The following CDC42BPA variants were observed in gnomAD, a reference collection of about 807,000 sequenced individuals.
CDC42BPA encodes serine/threonine-protein kinase MRCK alpha.
A neutral mutation model predicts 223.5 loss-of-function variants in CDC42BPA; 80 were observed. That is an observed-to-expected ratio of 0.36 (90% CI 0.30 to 0.43). The LOEUF (loss-of-function observed/expected upper bound fraction) is 0.43, where lower values mean the gene tolerates loss of function less well. CDC42BPA is among the 20% of genes least tolerant of loss of function. The pLI is 1.00. For missense variants in CDC42BPA, 1,743 were observed against 2,099.9 expected (o/e 0.83, Z 3.32); for synonymous variants, 694 against 718.6 (o/e 0.97, Z 0.55).
chr1:227,168,500 T>TTTTTTTTTTGTTTTTTTTTG (rs1558662948), intron 5 of CDC42BPA, among the ~76,000 whole-genome samples: 1 of 123,652 alleles, frequency 8.1e-6, no homozygotes, highest in Non-Finnish European at 1.7e-5. Flanking sequence ...CCCTGGTGTT[T>TTTTTTTTTTGTTTTTTTTTG]TTTTTTTTTT....
chr1:227,091,746 T>C, intron 16 of CDC42BPA, 140 bp downstream of exon 16: 1 of 511,224 alleles, frequency 2.0e-6, no homozygotes, highest in Non-Finnish European at 3.4e-6. Context: ...AAGAATTGCA[T>C]ATATCATAGA....
At position 227,047,981 on chromosome 1, in the gene CDC42BPA, G is replaced by A. The variant is rs2148837156; in HGVS notation, c.3039C>T (p.His1013=). The part of the protein sequence containing the change: ...KTVDSTPLSV[H]TPTLRKKGCP... ...ATCCTTTTTTCCTTAAGGTTGGTGT[G>A]TGAACTGAAAGTGGAGTGGAGTCTA... The change falls in exon 23 of 37, where the codon CAC becomes CAT. Residue 1013 remains histidine, a synonymous_variant. Transcript: ENST00000366766. 2 of 1,611,554 alleles carry A rather than the reference G, an allele frequency of 1.2e-6. No individual in the cohort carries two copies. The highest frequency in any genetic ancestry group is 2.2e-5 in the South Asian group (2 of 90,936).
intron 1 of CDC42BPA, among the ~76,000 whole-genome samples, chr1:227,302,918 C>G (rs1231257615): frequency 6.6e-6 from 1 of 151,556 alleles, no homozygotes; most frequent in Admixed American, 6.6e-5. Context: ...CTCTTTTGCT[C>G]CTTTTTATGG....
rs1336442583 is a variant in CDC42BPA, at chr1:227,251,447, T to C, written c.270+2617A>G. ...TAAAACAAGTAGTAACATCATTACA[T>C]GTTAACTGATTAAAAAACAAAATCT... On this transcript the variant is annotated intron_variant, in intron 2 of 36. Coordinates refer to ENST00000366766, the MANE Select transcript of CDC42BPA (RefSeq NM_001394014.1). Among the ~76,000 whole-genome samples the C allele has an allele frequency of 2.0e-5, 3 of 152,166 alleles. No homozygotes were observed. The East Asian group carries it at 5.8e-4, about 29-fold the overall frequency.
chr1:227,088,378 G>A (rs1350794346), intron 16 of CDC42BPA, among the ~76,000 whole-genome samples: 1 of 152,090 alleles, frequency 6.6e-6, no homozygotes, highest in Non-Finnish European at 1.5e-5. Flanking sequence ...TGACTTATAA[G>A]AAGACTACAT....
intron 19 of CDC42BPA, among the ~76,000 whole-genome samples, chr1:227,072,945 T>C (rs1327512057): frequency 6.6e-6 from 1 of 152,126 alleles, no homozygotes; most frequent in African/African-American, 2.4e-5. Flanking sequence ...CATAAGCACA[T>C]TTAAGTAAAA....
intron 5 of CDC42BPA, among the ~76,000 whole-genome samples, chr1:227,168,513 T>TTTTTTTTTTTTTTTTTTTTTTTG (rs57522937): frequency 6.9e-6 from 1 of 145,650 alleles, no homozygotes; most frequent in Non-Finnish European, 1.5e-5. Flanking sequence ...TTTTTTTTTT[T>TTTTTTTTTTTTTTTTTTTTTTTG]GAGGCAGAGT....
intron 35 of CDC42BPA, 154 bp downstream of exon 35, chr1:227,004,840 A>G (rs1663654582): frequency 1.2e-5 from 9 of 759,824 alleles, no homozygotes; most frequent in Non-Finnish European, 2.0e-5. Flanking sequence ...ATTTGTGCCT[A>G]TTAGGCATTA....
At position 227,195,236 on chromosome 1, in the gene CDC42BPA, C is replaced by A. The variant is rs567962014; in HGVS notation, c.451-1302G>T. 5.9e-5 allele frequency among the ~76,000 whole-genome samples: 9 copies of A among 152,266 alleles called. No individual in the cohort carries two copies. The South Asian group carries it at 6.2e-4, about 11-fold the overall frequency. ...TTGAGACAGAGTCTTGCTCTGTCGC[C>A]AGGCTGGAGTGCAGTGGCGCAATCT... On this transcript the variant is annotated intron_variant, in intron 4 of 36. Transcript: ENST00000366766.
rs1056166171 is a variant in CDC42BPA, at chr1:227,006,556, T to C, written c.4858-1445A>G. Among the ~76,000 whole-genome samples, 6 of 152,328 alleles carry C rather than the reference T, an allele frequency of 3.9e-5. No homozygotes were observed. The South Asian group carries it at 1.2e-3, about 32-fold the overall frequency. On this transcript the variant is annotated intron_variant, in intron 34 of 36. Coordinates refer to ENST00000366766, the MANE Select transcript of CDC42BPA (RefSeq NM_001394014.1). Reference sequence around the variant, plus strand: ...GCAAGCATGTAGCCCAGTCCCACTATGTGCCTTTCTTTCCTCATGAGTATG... The same window carrying C: ...GCAAGCATGTAGCCCAGTCCCACTACGTGCCTTTCTTTCCTCATGAGTATG...
chr1:227,179,822 C>G (rs1252095372), intron 5 of CDC42BPA, among the ~76,000 whole-genome samples: 1 of 150,856 alleles, frequency 6.6e-6, no homozygotes. Flanking sequence ...ATATAAATGA[C>G]TACTATTAAT....
intron 3 of CDC42BPA, among the ~76,000 whole-genome samples, chr1:227,210,035 TC>T: frequency 6.6e-6 from 1 of 151,882 alleles, no homozygotes; most frequent in South Asian, 2.1e-4. Flanking sequence ...CAATTTCAGC[TC>T]CTGTTATTGG....
chr1:227,013,590 G>A (rs182752839), intron 34 of CDC42BPA, among the ~76,000 whole-genome samples: 17 of 152,168 alleles, frequency 1.1e-4, no homozygotes, highest in African/African-American at 1.4e-4. Context: ...AGGATACTAA[G>A]CAGAGTAACA....
At chr1:227,139,803 T>C (rs970393518) in intron 9 of CDC42BPA, 61 bp from the exon 10 acceptor site, 2 of 1,079,664 alleles carry the variant, frequency 1.9e-6, no homozygotes, top group Non-Finnish European at 2.5e-6. Flanking sequence ...AGAAAAACGT[T>C]AACATTTTTT....
chr1:227,257,896 TG>T (rs1416256037), intron 1 of CDC42BPA, among the ~76,000 whole-genome samples: 2 of 150,600 alleles, frequency 1.3e-5, no homozygotes, highest in Non-Finnish European at 2.9e-5. Context: ...TGGGGCCGGG[TG>T]TGGTGGTTCA....
At position 227,031,494 on chromosome 1, in the gene CDC42BPA, T is replaced by G. The variant is rs1669281056; in HGVS notation, c.3579A>C (p.Ser1193=). The stretch of plus-strand genomic sequence containing the variant: ...GGATTGAACATTTGTTATTAGATGC[T>G]GAGAGCTGGGAAGCTGTGACCTAGA... The part of the protein sequence containing the change: ...CIFRVTASQL[S]ASNNKCSILM... The change falls in exon 28 of 37, where the codon TCA becomes TCC. Residue 1193 remains serine, a synonymous_variant. Transcript: ENST00000366766. 6.2e-7 allele frequency: 1 copy of G among 1,613,904 alleles called. No homozygotes were observed. Among genetic ancestry groups the G allele is most frequent in the African/African-American group, 1.3e-5 (1 of 74,936 alleles).
intron 31 of CDC42BPA, among the ~76,000 whole-genome samples, chr1:227,024,851 CAGGTT>C (rs1431171897): frequency 1.3e-5 from 2 of 152,174 alleles, no homozygotes. Context: ...TTCTGATTCT[CAGGTT>C]AGGAGGTAGG....
At position 226,991,728 on chromosome 1, in the gene CDC42BPA, A is replaced by G. The variant is rs996227534; in HGVS notation, c.*2540T>C. On this transcript the variant is annotated 3_prime_UTR_variant, in exon 37 of 37. Coordinates refer to ENST00000366766, the MANE Select transcript of CDC42BPA (RefSeq NM_001394014.1). ...TCTCTGCCCTGTTGGGAGGCTGAAG[A>G]GTATGACCCATAGCAGTGGAGCTAG... 6.6e-6 allele frequency: 1 copy of G among 152,048 alleles called. No individual in the cohort carries two copies. Among genetic ancestry groups the G allele is most frequent in the African/African-American group, 2.4e-5 (1 of 41,374 alleles). The allele number at this position is 152,048 out of a possible 1,614,324, so 9.4% of individuals were successfully genotyped here.
chr1:227,231,840 T>C (rs1678035263), intron 2 of CDC42BPA, among the ~76,000 whole-genome samples: 1 of 152,238 alleles, frequency 6.6e-6, no homozygotes, highest in Non-Finnish European at 1.5e-5. Context: ...TGTTTGATTT[T>C]TTCTTGTAAA....
Sources: allele counts gnomAD v4.1 joint callset (sites outside exome capture counted in the v4.1 genomes callset), GRCh38; gene constraint gnomAD v4.1.1; transcripts MANE v1.5; gene names NCBI Gene and HGNC (gene_info 2026-07-23, HGNC 2026-07-21).